TENM2: variants seen among roughly 807,000 people sequenced by gnomAD.
TENM2 encodes teneurin-2.
In TENM2, 52 loss-of-function variants were observed where a neutral mutation model predicts 245.2. That is an observed-to-expected ratio of 0.21 (90% confidence interval 0.17 to 0.27). The LOEUF (loss-of-function observed/expected upper bound fraction) is 0.27, where lower values mean the gene tolerates loss of function less well. Among genes scored for constraint, TENM2 ranks in the 10% least tolerant of loss-of-function variants. TENM2 has a pLI of 1.00. For synonymous variants in TENM2, 1,363 were observed against 1,438.9 expected (o/e 0.95, Z 1.19); for missense variants, 3,046 against 3,666.8 (o/e 0.83, Z 4.37).
intron 23 of TENM2, among the ~76,000 whole-genome samples, chr5:168,225,247 A>T (rs1764051159): frequency 6.6e-6 from 1 of 152,180 alleles, no homozygotes; most frequent in South Asian, 2.1e-4. Flanking sequence ...TGCAGGTGGC[A>T]TTTGGCACAG....
intron 2 of TENM2, among the ~76,000 whole-genome samples, chr5:167,649,131 C>G (rs1180154382): frequency 2.0e-5 from 3 of 152,206 alleles, no homozygotes; most frequent in Admixed American, 1.3e-4. Flanking sequence ...CACCACCTCT[C>G]TTTTCTGAGC....
At chr5:168,034,304 C>G in intron 5 of TENM2, among the ~76,000 whole-genome samples, 1 of 147,482 alleles carries the variant, frequency 6.8e-6, no homozygotes, top group African/African-American at 2.5e-5. Context: ...TGGCGCCACT[C>G]CACTCCAGCC....
intron 4 of TENM2, among the ~76,000 whole-genome samples, chr5:167,992,260 C>A (rs1194653489): frequency 2.0e-5 from 3 of 151,132 alleles, no homozygotes; most frequent in African/African-American, 7.3e-5. Context: ...ACCCCCAAAA[C>A]TATTGAAATT....
chr5:168,064,582 C>T (rs960216709), intron 7 of TENM2, among the ~76,000 whole-genome samples: 7 of 152,328 alleles, frequency 4.6e-5, no homozygotes, highest in African/African-American at 1.7e-4. Context: ...TCCTCAATGA[C>T]AATGTCTTTT....
intron 3 of TENM2, among the ~76,000 whole-genome samples, chr5:167,883,616 G>T (rs1420639791): frequency 6.6e-6 from 1 of 152,190 alleles, no homozygotes; most frequent in Non-Finnish European, 1.5e-5. Flanking sequence ...GATAGGCATT[G>T]TGTACATTCT....
chr5:167,689,528 A>T lies in TENM2; in HGVS notation c.503-186458A>T, dbSNP rs532998227. ...TGGTCACCAAAAATCTCAACACAAA[A>T]AAATGAAATGATCACCGAATTCATT... On this transcript the variant is annotated intron_variant, in intron 2 of 28. Coordinates refer to ENST00000518659, the Ensembl canonical transcript of TENM2. 7.2e-5 allele frequency among the ~76,000 whole-genome samples: 11 copies of T among 152,340 alleles called. No homozygotes were observed. In the South Asian group the frequency reaches 2.3e-3, roughly 32 times the overall value.
chr5:168,205,022 T>C (rs2152540239), intron 19 of TENM2, among the ~76,000 whole-genome samples: 1 of 152,318 alleles, frequency 6.6e-6, no homozygotes, highest in South Asian at 2.1e-4. Flanking sequence ...GCACATTCAC[T>C]AGGATAGCAC....
chr5:167,045,365 A>G, the TENM2 span, among the ~76,000 whole-genome samples: 1 of 152,012 alleles, frequency 6.6e-6, no homozygotes, highest in East Asian at 1.9e-4. Context: ...TCTGTAAAAC[A>G]CTCCATTTAG....
At chr5:167,825,374 G>A (rs1032306092) in intron 2 of TENM2, among the ~76,000 whole-genome samples, 12 of 152,096 alleles carry the variant, frequency 7.9e-5, no homozygotes, top group South Asian at 6.2e-4. Context: ...TATGGTGATG[G>A]CAGAGCTGTC....
Position 167,494,600 on chromosome 5 carries a change from A to T in TENM2, c.502+119127A>T, listed in dbSNP as rs1265888074. Among the ~76,000 whole-genome samples the T allele has an allele frequency of 6.6e-5, 10 of 152,144 alleles. No homozygotes were observed. The East Asian group carries it at 1.7e-3, about 26-fold the overall frequency. On this transcript the variant is annotated intron_variant, in intron 2 of 28. Coordinates refer to ENST00000518659, the Ensembl canonical transcript of TENM2. Reference sequence around the variant, plus strand: ...TTAGTAGGAGAAATAGGAAAAAAAGAGTTACATATACAATCAAGTATGAAA... The same window carrying T: ...TTAGTAGGAGAAATAGGAAAAAAAGTGTTACATATACAATCAAGTATGAAA...
chr5:167,567,044 AATT>A (rs1442724415), intron 2 of TENM2, among the ~76,000 whole-genome samples: 3 of 105,482 alleles, frequency 2.8e-5, no homozygotes, highest in South Asian at 3.1e-4. Context: ...GATCTGATAT[AATT>A]ATAATAAGCC....
intron 5 of TENM2, among the ~76,000 whole-genome samples, chr5:168,034,129 ATATATG>A (rs1385467892): frequency 4.6e-5 from 5 of 108,724 alleles, no homozygotes; most frequent in Non-Finnish European, 8.1e-5. Flanking sequence ...GTGTATATAT[ATATATG>A]TATACATATA....
chr5:167,650,131 C>A (rs1332167503), intron 2 of TENM2, among the ~76,000 whole-genome samples: 1 of 152,146 alleles, frequency 6.6e-6, no homozygotes, highest in African/African-American at 2.4e-5. Flanking sequence ...GCCACAGGGT[C>A]TTTTTCCATA....
intron 1 of TENM2, among the ~76,000 whole-genome samples, chr5:167,348,502 A>G (rs1758617371): frequency 6.6e-6 from 1 of 152,208 alleles, no homozygotes; most frequent in African/African-American, 2.4e-5. Flanking sequence ...GGAGGAGGAC[A>G]GCACTGTGAC....
At chr5:167,574,307 C>T (rs1054312586) in intron 2 of TENM2, among the ~76,000 whole-genome samples, 6 of 152,186 alleles carry the variant, frequency 3.9e-5, no homozygotes, top group Non-Finnish European at 7.4e-5. Flanking sequence ...TAGCACTTTG[C>T]ATTACGTTAA....
chr5:168,166,515 T>G (rs1268734593), intron 13 of TENM2, among the ~76,000 whole-genome samples: 1 of 152,200 alleles, frequency 6.6e-6, no homozygotes, highest in African/African-American at 2.4e-5. Flanking sequence ...CACTAGTAGT[T>G]CTGAAACTTC....
intron 2 of TENM2, among the ~76,000 whole-genome samples, chr5:167,846,341 C>CCCATCCTAAATTAA (rs1196103830): frequency 6.6e-6 from 1 of 152,234 alleles, no homozygotes; most frequent in African/African-American, 2.4e-5. Context: ...GAAAAGTGCT[C>CCCATCCTAAATTAA]AGTCCAGAGT....
intron 2 of TENM2, among the ~76,000 whole-genome samples, chr5:167,664,659 A>G (rs1405302121): frequency 6.6e-6 from 1 of 152,344 alleles, no homozygotes; most frequent in Non-Finnish European, 1.5e-5. Context: ...TTGATGAATT[A>G]TAGAAATAGG....
At chr5:167,369,080 G>C (rs1275308547) in intron 1 of TENM2, among the ~76,000 whole-genome samples, 2 of 152,096 alleles carry the variant, frequency 1.3e-5, no homozygotes, top group Non-Finnish European at 2.9e-5. Context: ...CTTGGGGCTT[G>C]TTTTGTCTGC....
Sources: gnomAD v4.1 joint callset for allele counts (sites outside exome capture counted in the v4.1 genomes callset) on GRCh38, gnomAD v4.1.1 for gene constraint, MANE v1.5 for transcripts, NCBI Gene and HGNC (gene_info 2026-07-23, HGNC 2026-07-21) for gene names.